The following ATRNL1 variants were observed in gnomAD, a reference collection of about 807,000 sequenced individuals.
ATRNL1 encodes the protein attractin-like protein 1.
ATRNL1 carries 95 observed loss-of-function variants against 182.7 expected under a neutral mutation model. That is an observed-to-expected ratio of 0.52 (90% CI 0.44 to 0.62). ATRNL1 has a LOEUF of 0.62. ATRNL1 is among the 20% of genes least tolerant of loss of function. ATRNL1 has a pLI of 0.00. For synonymous variants in ATRNL1, 576 were observed against 568.3 expected, an observed-to-expected ratio of 1.01 and a Z score of -0.19; for missense variants, 1,471 against 1,679.5, an observed-to-expected ratio of 0.88 and a Z score of 2.17.
intron 1 of ATRNL1, among the ~76,000 whole-genome samples, chr10:115,113,317 C>A (rs1554868741): frequency 6.6e-6 from 1 of 152,176 alleles, no homozygotes; most frequent in African/African-American, 2.4e-5. Flanking sequence ...CTGTTCATTT[C>A]TTTCATCAAA....
chr10:115,116,327 A>G (rs1554869948), intron 1 of ATRNL1, among the ~76,000 whole-genome samples: 1 of 152,142 alleles, frequency 6.6e-6, no homozygotes, highest in Non-Finnish European at 1.5e-5. Context: ...AAATAATATT[A>G]GAAATAGTAG....
At chr10:115,452,574 C>T (rs1847330954) in intron 21 of ATRNL1, among the ~76,000 whole-genome samples, 1 of 151,962 alleles carries the variant, frequency 6.6e-6, no homozygotes, top group South Asian at 2.1e-4. Flanking sequence ...AAAAACTGTA[C>T]ACAATAAATA....
Position 115,440,318 on chromosome 10 carries a change from A to C in ATRNL1, c.3322+14016A>C, listed in dbSNP as rs543449870. Among the ~76,000 whole-genome samples, 3 of 151,912 alleles carry C rather than the reference A, an allele frequency of 2.0e-5. No homozygotes were observed. The South Asian group carries it at 6.2e-4, about 31-fold the overall frequency. On this transcript the variant is annotated intron_variant, in intron 21 of 28. Transcript: ENST00000355044. ...TAATATTTAGAAACCAAAACTGGGGATTATATATGCTCATTGGTTCTGGGG... is the reference window on the plus strand; with the variant it reads ...TAATATTTAGAAACCAAAACTGGGGCTTATATATGCTCATTGGTTCTGGGG...
At chr10:115,375,643 TATTTCATG>T (rs1857630895) in intron 19 of ATRNL1, among the ~76,000 whole-genome samples, 1 of 152,060 alleles carries the variant, frequency 6.6e-6, no homozygotes, top group Non-Finnish European at 1.5e-5. Flanking sequence ...TAGAGGTTTT[TATTTCATG>T]ATTACCATTA....
chr10:115,940,364 T>C (rs1297260174), intron 28 of ATRNL1, among the ~76,000 whole-genome samples: 1 of 152,174 alleles, frequency 6.6e-6, no homozygotes, highest in Non-Finnish European at 1.5e-5. Flanking sequence ...GGGTTATTAG[T>C]AGAGATAGCA....
At position 115,093,906 on chromosome 10, in the gene ATRNL1, G is replaced by C. The variant is rs782285739; in HGVS notation, c.156G>C (p.Ala52=). The C allele has an allele frequency of 6.3e-7, 1 of 1,597,746 alleles. No homozygotes were observed. The highest frequency in any genetic ancestry group is 1.4e-5 in the African/African-American group (1 of 73,462). ...TGTGCTATGGCTTCCTCTACCTGGC[G>C]CTCTACGCGCAGGTGTCCCAGTCCA... The part of the protein sequence containing the change: ...WLLCYGFLYL[A]LYAQVSQSKP... The change falls in exon 1 of 29, where the codon GCG becomes GCC. Residue 52 remains alanine, a synonymous_variant. Transcript: ENST00000355044. This position sits in a 1 kb window ranked among gnomAD's most constrained non-coding sequence, Gnocchi z 6.1.
chr10:115,802,195 A>G (rs1224924962), intron 27 of ATRNL1, among the ~76,000 whole-genome samples: 1 of 152,084 alleles, frequency 6.6e-6, no homozygotes, highest in East Asian at 1.9e-4. Context: ...GTGGTAAACA[A>G]TGAACTCAGC....
intron 27 of ATRNL1, among the ~76,000 whole-genome samples, chr10:115,749,242 A>C (rs1396111863): frequency 6.6e-6 from 1 of 151,908 alleles, no homozygotes; most frequent in Non-Finnish European, 1.5e-5. Context: ...ATGTATTTTT[A>C]TTGTACTTAT....
intron 17 of ATRNL1, among the ~76,000 whole-genome samples, chr10:115,308,555 T>A (rs1853852573): frequency 6.6e-6 from 1 of 152,140 alleles, no homozygotes; most frequent in Admixed American, 6.5e-5. Flanking sequence ...CAGATTGATT[T>A]TTTAATATTC....
chr10:115,444,827 G>A (rs1846878490), intron 21 of ATRNL1, among the ~76,000 whole-genome samples: 2 of 151,792 alleles, frequency 1.3e-5, no homozygotes, highest in Non-Finnish European at 2.9e-5. Flanking sequence ...CGCCTCTCGG[G>A]TTCATGCGAT....
chr10:115,830,249 A>G (rs1341035227), intron 27 of ATRNL1, among the ~76,000 whole-genome samples: 1 of 152,180 alleles, frequency 6.6e-6, no homozygotes, highest in African/African-American at 2.4e-5. Context: ...AATATGTAGG[A>G]AAAAAATTAC....
chr10:115,149,951 C>T (rs568074247), intron 5 of ATRNL1, among the ~76,000 whole-genome samples: 3 of 149,580 alleles, frequency 2.0e-5, no homozygotes, highest in South Asian at 2.1e-4. Flanking sequence ...TGGACTTTGG[C>T]CGTGAAGCCG....
intron 26 of ATRNL1, among the ~76,000 whole-genome samples, chr10:115,611,596 C>T (rs1457885927): frequency 2.0e-5 from 3 of 151,908 alleles, no homozygotes; most frequent in South Asian, 2.1e-4. Context: ...TTTTTTATAA[C>T]TCATTTTTAA....
chr10:115,627,982 T>TA (rs1458871060), intron 26 of ATRNL1, among the ~76,000 whole-genome samples: 23 of 151,746 alleles, frequency 1.5e-4, no homozygotes, highest in African/African-American at 4.3e-4. Context: ...CCAGCTCTAC[T>TA]AAAAAAATAC....
At chr10:115,369,203 A>G (rs1460345747) in intron 19 of ATRNL1, among the ~76,000 whole-genome samples, 1 of 149,868 alleles carries the variant, frequency 6.7e-6, no homozygotes, top group Non-Finnish European at 1.5e-5. Context: ...AATACTATGT[A>G]TATAATGTGG....
At chr10:115,640,244 A>G (rs1464518431) in intron 26 of ATRNL1, among the ~76,000 whole-genome samples, 1 of 152,198 alleles carries the variant, frequency 6.6e-6, no homozygotes, top group Admixed American at 6.5e-5. Context: ...ATATATGTGC[A>G]TGTGTCTTTA....
chr10:115,928,090 A>G (rs545375004), intron 28 of ATRNL1, among the ~76,000 whole-genome samples: 177 of 152,160 alleles, frequency 1.2e-3, no homozygotes, highest in Admixed American at 3.3e-3. Context: ...CAGCTCTCCA[A>G]TTCTCTAGTG....
At chr10:115,138,470 G>A (rs1392621047) in intron 5 of ATRNL1, among the ~76,000 whole-genome samples, 1 of 152,222 alleles carries the variant, frequency 6.6e-6, no homozygotes, top group Non-Finnish European at 1.5e-5. Context: ...CCGAAATCTA[G>A]GTGAAGGTTC....
At chr10:115,345,810 C>T (rs1463830234) in intron 19 of ATRNL1, among the ~76,000 whole-genome samples, 1 of 152,208 alleles carries the variant, frequency 6.6e-6, no homozygotes, top group South Asian at 2.1e-4. Context: ...TACAAATTTA[C>T]TTATATTCTA....
Sources: allele counts gnomAD v4.1 joint callset (sites outside exome capture counted in the v4.1 genomes callset), GRCh38; gene constraint gnomAD v4.1.1; non-coding constraint Gnocchi (gnomAD v3.1); transcripts MANE v1.5; gene names NCBI Gene and HGNC (gene_info 2026-07-23, HGNC 2026-07-21).